The following RYR2 variants were observed in gnomAD, a reference collection of about 807,000 sequenced individuals.
RYR2 encodes cardiac muscle ryanodine receptor-calcium release channel.
RYR2 carries 227 observed loss-of-function variants against 601.1 expected under a neutral mutation model. The ratio of observed to expected loss-of-function variants is 0.38; its 90% CI spans 0.34 to 0.42. The LOEUF (loss-of-function observed/expected upper bound fraction) is 0.42. RYR2 is among the 10% of genes least tolerant of loss of function. The pLI is 1.00. For missense variants in RYR2, 4,646 were observed against 6,156.5 expected (o/e 0.75, Z 8.21); for synonymous variants, 2,223 against 2,175.1 (o/e 1.02, Z -0.61).
At chr1:237,814,741 T>C (rs953164965) in intron 100 of RYR2, among the ~76,000 whole-genome samples, 2 of 152,064 alleles carry the variant, frequency 1.3e-5, no homozygotes, top group African/African-American at 4.8e-5. Context: ...TATAGGACGA[T>C]GTTCATCTCA....
chr1:237,649,928 A>C lies in RYR2; in HGVS notation c.7564A>C (p.Thr2522Pro), dbSNP rs776923966. 1 of 1,613,912 alleles carries C rather than the reference A, an allele frequency of 6.2e-7. No individual in the cohort carries two copies. The highest frequency in any genetic ancestry group is 8.5e-7 in the Non-Finnish European group (1 of 1,179,870). The change falls in exon 50 of 105, where the codon ACA (threonine) becomes CCA (proline). Residue 2522 changes from threonine (T) to proline (P), a missense_variant. Thr to Pro is a conservative substitution (Grantham distance 38). Around this residue, in one of 17 missense-constraint regions of RYR2, gnomAD observed 1,497 missense variants for 1,842.6 expected, o/e 0.81. Transcript: ENST00000366574. Reference protein sequence around the residue: ...MALALNRYLCTAVLPLLTRCA... With the variant: ...MALALNRYLCPAVLPLLTRCA... The stretch of plus-strand genomic sequence containing the variant: ...CTTGGCCCTCAATCGGTACCTTTGC[A>C]CAGCCGTCTTGCCATTGTTAACAAG...
rs1553486453 is a variant in RYR2 at position 237,530,472 on chromosome 1, T to C, written c.2868T>C (p.His956=). 1.2e-6 allele frequency: 2 copies of C among 1,609,296 alleles called. No individual in the cohort carries two copies. The highest frequency in any genetic ancestry group is 1.7e-6 in the Non-Finnish European group (2 of 1,177,724). The stretch of plus-strand genomic sequence containing the variant: ...GTCATGTGGGTATATCAGATGAACA[T>C]GCTGAAGACAAGGTGAAAAAAATGA... ...LGCHVGISDE[H]AEDKVKKMKL... Residue 956 remains histidine (H), a synonymous_variant, in exon 25 of 105, where the codon CAT becomes CAC. Coordinates refer to ENST00000366574, the MANE Select transcript of RYR2 (RefSeq NM_001035.3).
intron 80 of RYR2, among the ~76,000 whole-genome samples, chr1:237,746,135 A>C (rs1692053172): frequency 6.6e-6 from 1 of 152,194 alleles, no homozygotes; most frequent in Non-Finnish European, 1.5e-5. Context: ...TTGTTTATAA[A>C]TGTAGTAATC....
intron 24 of RYR2, among the ~76,000 whole-genome samples, chr1:237,519,451 TTGTACATGGTGAGAGATAGG>T (rs1368747990): frequency 6.6e-6 from 1 of 152,208 alleles, no homozygotes; most frequent in Non-Finnish European, 1.5e-5. Flanking sequence ...GAGTTGATTT[TTGTACATGGTGAGAGATAGG>T]GGACCAGTTT....
At chr1:237,606,939 G>T (rs1381050071) in intron 35 of RYR2, among the ~76,000 whole-genome samples, 1 of 152,228 alleles carries the variant, frequency 6.6e-6, no homozygotes, top group African/African-American at 2.4e-5. Context: ...TGCTGGAGAA[G>T]ATGTGGAGAA....
chr1:237,566,902 G>T, intron 28 of RYR2, 127 bp downstream of exon 28: 1 of 970,612 alleles, frequency 1.0e-6, no homozygotes. Context: ...TATTTCACAG[G>T]AAAGCTTTTG....
intron 2 of RYR2, among the ~76,000 whole-genome samples, chr1:237,325,093 G>A (rs1161468522): frequency 2.6e-5 from 4 of 152,166 alleles, no homozygotes; most frequent in Non-Finnish European, 5.9e-5. Context: ...GGCTGCTGCT[G>A]GTGGTGGCGG....
intron 82 of RYR2, 129 bp downstream of exon 82, chr1:237,757,905 G>A: frequency 1.8e-6 from 1 of 564,460 alleles, no homozygotes; most frequent in South Asian, 2.7e-5. Flanking sequence ...CCACAGTACT[G>A]AAGAGAGAGC....
chr1:237,810,343 A>G (rs1468939096), intron 100 of RYR2, among the ~76,000 whole-genome samples: 1 of 152,194 alleles, frequency 6.6e-6, no homozygotes, highest in Non-Finnish European at 1.5e-5. Context: ...GGTAAAATTA[A>G]TTCAGTGGGC....
intron 44 of RYR2, among the ~76,000 whole-genome samples, chr1:237,635,403 C>G (rs966799081): frequency 6.6e-6 from 1 of 152,206 alleles, no homozygotes; most frequent in Middle Eastern, 3.4e-3. Flanking sequence ...CTTAATCATA[C>G]ACTTCAGTTT....
At chr1:237,714,993 A>T (rs1318754088) in intron 71 of RYR2, among the ~76,000 whole-genome samples, 892 of 7,358 alleles carry the variant, frequency 0.12, 81 homozygotes, top group Non-Finnish European at 0.3. Context: ...CTCCATCTCA[A>T]AAAAAAAAAA....
intron 32 of RYR2, 60 bp downstream of exon 32, chr1:237,591,913 C>G (rs374525275): frequency 1.4e-5 from 15 of 1,071,578 alleles, no homozygotes; most frequent in South Asian, 5.6e-5. Context: ...TTTTACATCT[C>G]CAGTAATACA....
At chr1:237,542,110 T>G (rs1031692768) in intron 25 of RYR2, among the ~76,000 whole-genome samples, 37 of 148,384 alleles carry the variant, frequency 2.5e-4, no homozygotes, top group Non-Finnish European at 4.5e-4. Flanking sequence ...TTATTTATTT[T>G]GAGACAGAGT....
At chr1:237,486,370 C>A (rs1662685482) in intron 17 of RYR2, among the ~76,000 whole-genome samples, 1 of 152,100 alleles carries the variant, frequency 6.6e-6, no homozygotes, top group African/African-American at 2.4e-5. Flanking sequence ...CTGAGACCAA[C>A]CCTAGTTTAT....
At chr1:237,764,831 C>T (rs1389650651) in intron 84 of RYR2, among the ~76,000 whole-genome samples, 1 of 152,126 alleles carries the variant, frequency 6.6e-6, no homozygotes, top group Non-Finnish European at 1.5e-5. Flanking sequence ...TTCAAAATTG[C>T]TTTTGAACTT....
chr1:237,823,719 CA>C (rs1305253505), intron 101 of RYR2, among the ~76,000 whole-genome samples: 1 of 151,966 alleles, frequency 6.6e-6, no homozygotes, highest in African/African-American at 2.4e-5. Context: ...AAAAACCCTT[CA>C]AAAAAATCAG....
rs748190200 is a variant in RYR2 at position 237,492,970 on chromosome 1, G to A, written c.1844G>A (p.Cys615Tyr). 6.3e-7 allele frequency: 1 copy of A among 1,595,676 alleles called. No individual in the cohort carries two copies. The highest frequency in any genetic ancestry group is 1.3e-5 in the African/African-American group (1 of 74,666). Residue 615 changes from cysteine to tyrosine, a missense_variant, in exon 19 of 105, where the codon TGC (cysteine) becomes TAC (tyrosine). By Grantham distance (194) the Cys-to-Tyr change is radical. This residue lies in a region of RYR2 where 1,807 missense variants were observed against 2,088.1 expected (regional missense o/e 0.87). Coordinates refer to ENST00000366574, the MANE Select transcript of RYR2 (RefSeq NM_001035.3). Reference protein sequence around the residue: ...GRNHKVLDVLCSLCVCHGVAV... With the variant: ...GRNHKVLDVLYSLCVCHGVAV... ...TCTTTTCAGGTTCTGGATGTCTTGT[G>A]CTCACTCTGTGTTTGCCACGGGGTT... is the stretch of plus-strand genomic sequence containing the variant.
At chr1:237,047,581 T>C (rs12072710) in intron 1 of RYR2, among the ~76,000 whole-genome samples, 5,224 of 152,148 alleles carry the variant, frequency 0.034, 333 homozygotes, top group African/African-American at 0.12. Context: ...TCTTCCTTCT[T>C]CAATTTACTT....
intron 1 of RYR2, among the ~76,000 whole-genome samples, chr1:237,181,279 T>C (rs775122921): frequency 6.3e-4 from 92 of 147,168 alleles, no homozygotes; most frequent in African/African-American, 2.1e-3. Flanking sequence ...CCACCACACC[T>C]GGCAGCTAAG....
Sources: allele counts gnomAD v4.1 joint callset (sites outside exome capture counted in the v4.1 genomes callset), GRCh38; gene constraint gnomAD v4.1.1; regional missense constraint gnomAD v4.1.1; transcripts MANE v1.5; gene names NCBI Gene and HGNC (gene_info 2026-07-23, HGNC 2026-07-21).